The following CDH13 variants were observed in gnomAD, a reference collection of about 807,000 sequenced individuals.
CDH13 encodes cadherin 13, also known as cadherin-13.
Under a neutral mutation model 63.8 loss-of-function variants are expected in CDH13, and 24 were observed. That is an observed-to-expected ratio of 0.38 (90% CI 0.27 to 0.53). The LOEUF (loss-of-function observed/expected upper bound fraction) is 0.53, where lower values mean the gene tolerates loss of function less well. Ranked by LOEUF, CDH13 falls within the 20% of genes least tolerant of loss-of-function variation. CDH13 has a pLI of 0.85. For synonymous variants in CDH13, 503 were observed against 355.3 expected, an observed-to-expected ratio of 1.42 and a Z score of -4.67; for missense variants, 1,049 against 903.1, an observed-to-expected ratio of 1.16 and a Z score of -2.07.
At chr16:82,790,317 C>T (rs950643758) in intron 1 of CDH13, among the ~76,000 whole-genome samples, 2 of 152,030 alleles carry the variant, frequency 1.3e-5, no homozygotes, top group African/African-American at 4.8e-5. Context: ...CACCTGTAAT[C>T]CTAACTACTC....
intron 6 of CDH13, among the ~76,000 whole-genome samples, chr16:83,406,608 C>T (rs976189238): frequency 2.7e-4 from 41 of 152,094 alleles, no homozygotes; most frequent in Admixed American, 2.5e-3. Flanking sequence ...GGACTACAGG[C>T]GCACATGCCA....
chr16:83,132,212 A>T (rs1423404511), intron 4 of CDH13, among the ~76,000 whole-genome samples: 1 of 152,142 alleles, frequency 6.6e-6, no homozygotes, highest in African/African-American at 2.4e-5. Context: ...CTGAAGCCCC[A>T]GCACCTCTCC....
At chr16:82,730,708 T>G (rs1274058744) in intron 1 of CDH13, among the ~76,000 whole-genome samples, 1 of 152,190 alleles carries the variant, frequency 6.6e-6, no homozygotes, top group Non-Finnish European at 1.5e-5. Context: ...ACCTTCAATT[T>G]GTAAAATATG....
At chr16:83,423,850 T>G (rs9925521) in intron 6 of CDH13, among the ~76,000 whole-genome samples, 1,692 of 152,356 alleles carry the variant, frequency 0.011, 31 homozygotes, top group African/African-American at 0.039. Context: ...ATGCCAGAGT[T>G]GTGGGGAAAG....
At chr16:83,240,717 C>A (rs1412523634) in intron 5 of CDH13, among the ~76,000 whole-genome samples, 1 of 81,666 alleles carries the variant, frequency 1.2e-5, no homozygotes, top group Non-Finnish European at 2.0e-5. Context: ...CTGTCTTAAT[C>A]TTTTTTTTTT....
intron 1 of CDH13, among the ~76,000 whole-genome samples, chr16:82,757,259 T>G (rs74504426): frequency 0.027 from 4,158 of 152,312 alleles, 79 homozygotes; most frequent in Middle Eastern, 0.051. Context: ...TGGCTTGATG[T>G]ACGCACTTTG....
chr16:83,648,006 C>A (rs1192814538), intron 8 of CDH13, among the ~76,000 whole-genome samples: 1 of 152,192 alleles, frequency 6.6e-6, no homozygotes, highest in Non-Finnish European at 1.5e-5. Context: ...AGTTCTTCGC[C>A]TAAGGAAACT....
chr16:82,675,508 G>T (rs983314974), intron 1 of CDH13, among the ~76,000 whole-genome samples: 8 of 152,204 alleles, frequency 5.3e-5, no homozygotes, highest in African/African-American at 1.9e-4. Context: ...GGTAGGAAAA[G>T]AATTTGACTC....
intron 3 of CDH13, among the ~76,000 whole-genome samples, chr16:83,119,472 T>G (rs1380285747): frequency 6.6e-6 from 1 of 152,248 alleles, no homozygotes; most frequent in African/African-American, 2.4e-5. Flanking sequence ...TAAAAGCCTT[T>G]GCCCACTTGG....
chr16:83,427,178 T>A (rs1289539229), intron 6 of CDH13, among the ~76,000 whole-genome samples: 1 of 152,022 alleles, frequency 6.6e-6, no homozygotes, highest in Non-Finnish European at 1.5e-5. Context: ...CCTCCCAAAG[T>A]GCTGGGATTA....
chr16:83,377,203 A>G (rs1377458315), intron 6 of CDH13, among the ~76,000 whole-genome samples: 1 of 152,190 alleles, frequency 6.6e-6, no homozygotes, highest in African/African-American at 2.4e-5. Context: ...TACAGCACTA[A>G]ATAACCAGAA....
intron 1 of CDH13, among the ~76,000 whole-genome samples, chr16:82,714,753 A>C (rs1402938090): frequency 1.4e-5 from 2 of 141,828 alleles, no homozygotes; most frequent in East Asian, 2.1e-4. Flanking sequence ...ACAACGACAC[A>C]CAGAGAACTT....
chr16:83,238,808 C>G (rs773850412), intron 5 of CDH13, among the ~76,000 whole-genome samples: 3 of 152,064 alleles, frequency 2.0e-5, no homozygotes, highest in African/African-American at 4.8e-5. Flanking sequence ...CTTTTTCATT[C>G]TATATGAAAA....
intron 2 of CDH13, among the ~76,000 whole-genome samples, chr16:83,020,685 T>C (rs1915265729): frequency 6.6e-6 from 1 of 152,236 alleles, no homozygotes; most frequent in Non-Finnish European, 1.5e-5. Context: ...AAACCAATAT[T>C]GTGTTCCTCT....
chr16:83,520,242 G>C (rs2074798224), intron 7 of CDH13, among the ~76,000 whole-genome samples: 1 of 152,306 alleles, frequency 6.6e-6, no homozygotes, highest in Middle Eastern at 3.4e-3. Flanking sequence ...CAGGCTCTAA[G>C]TGGAGCAAAA....
intron 1 of CDH13, among the ~76,000 whole-genome samples, chr16:82,659,115 CAG>C (rs1337241565): frequency 4.6e-5 from 7 of 152,256 alleles, no homozygotes; most frequent in Middle Eastern, 6.8e-3. Flanking sequence ...CAGAAGAAAA[CAG>C]TGCACAGTTG....
intron 7 of CDH13, among the ~76,000 whole-genome samples, chr16:83,551,094 A>G (rs150877754): frequency 4.0e-5 from 6 of 150,750 alleles, no homozygotes; most frequent in African/African-American, 1.5e-4. Flanking sequence ...CTATCTATCT[A>G]TCTTTGAGAC....
chr16:82,948,326 C>A (rs761220259), intron 2 of CDH13, among the ~76,000 whole-genome samples: 2 of 152,106 alleles, frequency 1.3e-5, no homozygotes, highest in African/African-American at 2.4e-5. Context: ...TCTGCAAATA[C>A]ATTAATCTCA....
intron 5 of CDH13, among the ~76,000 whole-genome samples, chr16:83,238,740 T>TTTGG (rs1555517691): frequency 2.7e-5 from 4 of 150,662 alleles, no homozygotes; most frequent in Non-Finnish European, 5.9e-5. Flanking sequence ...ATATGTGTTT[T>TTTGG]TTTGTTTGTT....
Sources: allele counts gnomAD v4.1 joint callset (sites outside exome capture counted in the v4.1 genomes callset), GRCh38; gene constraint gnomAD v4.1.1; transcripts MANE v1.5; gene names NCBI Gene and HGNC (gene_info 2026-07-23, HGNC 2026-07-21).